The following KCNQ1 variants were observed in gnomAD, a reference collection of about 807,000 sequenced individuals.
The protein encoded by KCNQ1 is potassium voltage-gated channel subfamily Q member 1.
A neutral mutation model predicts 72.4 loss-of-function variants in KCNQ1; 49 were observed. That is an observed-to-expected ratio of 0.68 (90% CI 0.54 to 0.86). The LOEUF (loss-of-function observed/expected upper bound fraction) is 0.86. Ranked by LOEUF, KCNQ1 falls within the 40% of genes least tolerant of loss-of-function variation. The pLI, the probability that KCNQ1 is intolerant of heterozygous loss-of-function variation, is 0.00. For synonymous variants in KCNQ1, 450 were observed against 412.6 expected (o/e 1.09, Z -1.10); for missense variants, 790 against 945.1 (o/e 0.84, Z 2.15).
Position 2,782,250 on chromosome 11 carries a change from C to T in KCNQ1, c.1794+4213C>T, listed in dbSNP as rs1846835903. Among the ~76,000 whole-genome samples, 1 of 152,168 alleles carries T rather than the reference C, an allele frequency of 6.6e-6. No individual in the cohort carries two copies. The highest frequency in any genetic ancestry group is 2.1e-4 in the South Asian group (1 of 4,828). ...TCATCTCTTACTTGGATTATTTTTC[C>T]AGCCATATATGCGGTCTCCGGCCTC... On this transcript the variant is annotated intron_variant, in intron 15 of 15. Coordinates refer to ENST00000155840, the MANE Select transcript of KCNQ1 (RefSeq NM_000218.3). The surrounding 1 kb of genome is among the most constrained non-coding windows in gnomAD (Gnocchi z 6.1).
rs1362814516 is a variant in KCNQ1 at position 2,477,480 on chromosome 11, A to G, written c.386+31996A>G. On this transcript the variant is annotated intron_variant, in intron 1 of 15. Transcript: ENST00000155840. This position sits in a 1 kb window ranked among gnomAD's most constrained non-coding sequence, Gnocchi z 5.0. ...CAGGGTGCCCAGGTTAGCTGTGAAC[A>G]AAGTGATCTCTCTGCTGCCTCACTA... 1.3e-5 allele frequency among the ~76,000 whole-genome samples: 2 copies of G among 152,200 alleles called. No homozygotes were observed. The highest frequency in any genetic ancestry group is 4.8e-5 in the African/African-American group (2 of 41,438).
Position 2,538,400 on chromosome 11 carries a change from C to G in KCNQ1, c.477+10382C>G, listed in dbSNP as rs1350038666. 6.6e-6 allele frequency among the ~76,000 whole-genome samples: 1 copy of G among 152,154 alleles called. No individual in the cohort carries two copies. The highest frequency in any genetic ancestry group is 1.5e-5 in the Non-Finnish European group (1 of 68,030). ...GGCTCACAGGCCCCTCTGTGGGGCC[C>G]AGGGCAGAGGCAGCAGGCAGGCTGT... On this transcript the variant is annotated intron_variant, in intron 2 of 15. Transcript: ENST00000155840. This position sits in a 1 kb window ranked among gnomAD's most constrained non-coding sequence, Gnocchi z 6.7.
In KCNQ1 at chr11:2,826,598, C is replaced by G. The variant is rs934346504; in HGVS notation, c.1795-21169C>G. On this transcript the variant is annotated intron_variant, in intron 15 of 15. Transcript: ENST00000155840. This position sits in a 1 kb window ranked among gnomAD's most constrained non-coding sequence, Gnocchi z 4.2. Reference sequence around the variant, plus strand: ...GCTGGGCACCCACAGGGTAGAAATGCCCTGGATTGGCTGTGGCACAAGAGG... The same window carrying G: ...GCTGGGCACCCACAGGGTAGAAATGGCCTGGATTGGCTGTGGCACAAGAGG... Among the ~76,000 whole-genome samples, 8 of 152,244 alleles carry G rather than the reference C, an allele frequency of 5.3e-5. No individual in the cohort carries two copies. The highest frequency in any genetic ancestry group is 1.0e-4 in the Non-Finnish European group (7 of 68,038).
rs186466947 is a variant in KCNQ1 at position 2,565,363 on chromosome 11, G to C, written c.478-5265G>C. 2.2e-3 allele frequency among the ~76,000 whole-genome samples: 335 copies of C among 152,238 alleles called. No individual in the cohort carries two copies. Among genetic ancestry groups the C allele is most frequent in the African/African-American group, 7.6e-3 (315 of 41,544 alleles). Reference sequence around the variant, plus strand: ...TTGTGGTCTTGATTTGCATTTCCCTGATGATTAGTGACACTGGGCACCTCT... The same window carrying C: ...TTGTGGTCTTGATTTGCATTTCCCTCATGATTAGTGACACTGGGCACCTCT... On this transcript the variant is annotated intron_variant, in intron 2 of 15. Coordinates refer to ENST00000155840, the MANE Select transcript of KCNQ1 (RefSeq NM_000218.3). This position sits in a 1 kb window ranked among gnomAD's most constrained non-coding sequence, Gnocchi z 5.6.
rs1391735540 is a variant in KCNQ1 at position 2,827,621 on chromosome 11, TTAAAA to T, written c.1795-20145_1795-20141del. Among the ~76,000 whole-genome samples, 1 of 92,948 alleles carries T rather than the reference TTAAAA, an allele frequency of 1.1e-5. No homozygotes were observed. The highest frequency in any genetic ancestry group is 2.0e-5 in the Non-Finnish European group (1 of 49,264). 61.0% of individuals were successfully genotyped at this position (92,948 alleles called of 152,430 possible). On this transcript the variant is annotated intron_variant, in intron 15 of 15. Transcript: ENST00000155840. This position sits in a 1 kb window ranked among gnomAD's most constrained non-coding sequence, Gnocchi z 6.7. ...TCAGCTTAATTCAGGGTTCTGTTGA[TTAAAA>T]AAAAAAAGTGGGGTCGGGGGGGCGG...
rs866630878 is a variant in KCNQ1, at chr11:2,766,641, A to T, written c.1515-2203A>T. Among the ~76,000 whole-genome samples the T allele has an allele frequency of 6.6e-6, 1 of 152,074 alleles. No homozygotes were observed. Among genetic ancestry groups the T allele is most frequent in the Non-Finnish European group, 1.5e-5 (1 of 68,012 alleles). On this transcript the variant is annotated intron_variant, in intron 11 of 15. Transcript: ENST00000155840. This position sits in a 1 kb window ranked among gnomAD's most constrained non-coding sequence, Gnocchi z 4.4. Reference sequence around the variant, plus strand: ...GCCATAACTTTTCGCATTCTCCCCTATGCAAAATTCACTCACCCCCCTCCC... The same window carrying T: ...GCCATAACTTTTCGCATTCTCCCCTTTGCAAAATTCACTCACCCCCCTCCC...
Position 2,617,913 on chromosome 11 carries a change from C to G in KCNQ1, c.1393+29059C>G, listed in dbSNP as rs1333576224. On this transcript the variant is annotated intron_variant, in intron 10 of 15. Coordinates refer to ENST00000155840, the MANE Select transcript of KCNQ1 (RefSeq NM_000218.3). The surrounding 1 kb of genome is among the most constrained non-coding windows in gnomAD (Gnocchi z 4.6). ...TTCTTGTTATTGAGTTGTATGCATT[C>G]CTTATAAATTTTGGATATTATCCTC... 1.8e-5 allele frequency: 7 copies of G among 398,332 alleles called. No homozygotes were observed. The highest frequency in any genetic ancestry group is 3.1e-5 in the Non-Finnish European group (7 of 225,998). 24.7% of individuals were successfully genotyped at this position (398,332 alleles called of 1,614,324 possible). A position where few individuals can be genotyped will look rare whatever the true frequency, so the allele number is the denominator to read the frequency against.
At chr11:2,714,785 C>T (rs1325581042) in intron 11 of KCNQ1, among the ~76,000 whole-genome samples, 1 of 152,114 alleles carries the variant, frequency 6.6e-6, no homozygotes, top group East Asian at 1.9e-4. Context: ...GCAGCATCGT[C>T]GTCATCTTTC....
Position 2,664,525 on chromosome 11 carries a change from C to A in KCNQ1, c.1514+2444C>A. ...AGTGGGCACCCTGTTTCCTCAGGGC[C>A]CAAACCGCCTGGCGGCAGGGGTGTG... On this transcript the variant is annotated intron_variant, in intron 11 of 15. Coordinates refer to ENST00000155840, the MANE Select transcript of KCNQ1 (RefSeq NM_000218.3). The surrounding 1 kb of genome is among the most constrained non-coding windows in gnomAD (Gnocchi z 5.1). 2.5e-6 allele frequency: 1 copy of A among 398,760 alleles called. No homozygotes were observed. Among genetic ancestry groups the A allele is most frequent in the Non-Finnish European group, 4.4e-6 (1 of 226,162 alleles). 24.7% of individuals were successfully genotyped at this position (398,760 alleles called of 1,614,324 possible). A position where few individuals can be genotyped will look rare whatever the true frequency, so the allele number is the denominator to read the frequency against.
chr11:2,772,524 C>T lies in KCNQ1; in HGVS notation c.1591-3436C>T, dbSNP rs1229843808. ...TGAGCCCTAACCGTATCCTAGCAGG[C>T]ATCTCAGTGGCTCCAGGATAAGTCT... On this transcript the variant is annotated intron_variant, in intron 12 of 15. Transcript: ENST00000155840. The surrounding 1 kb of genome is among the most constrained non-coding windows in gnomAD (Gnocchi z 6.6). Among the ~76,000 whole-genome samples, 4 of 152,098 alleles carry T rather than the reference C, an allele frequency of 2.6e-5. No homozygotes were observed. The highest frequency in any genetic ancestry group is 2.0e-4 in the Admixed American group (3 of 15,282).
intron 11 of KCNQ1, among the ~76,000 whole-genome samples, chr11:2,751,815 TCTCCCA>T (rs1420092368): frequency 4.6e-5 from 7 of 152,156 alleles, no homozygotes; most frequent in Non-Finnish European, 7.4e-5. Flanking sequence ...ACAGAGTGCC[TCTCCCA>T]CTGGCTCAGG....
At chr11:2,646,399 T>C (rs1450501745) in intron 10 of KCNQ1, 3 of 398,538 alleles carry the variant, frequency 7.5e-6, no homozygotes, top group Non-Finnish European at 1.3e-5. Context: ...TTTATAGTTT[T>C]CATTGTGGAA....
In KCNQ1 at chr11:2,544,180, G is replaced by T. The variant is rs955920761; in HGVS notation, c.477+16162G>T. ...AAAGATCAACATGGGGAGAATTGAT[G>T]TCTTAACCAATATTGAATCCTCTGA... On this transcript the variant is annotated intron_variant, in intron 2 of 15. Transcript: ENST00000155840. The surrounding 1 kb of genome is among the most constrained non-coding windows in gnomAD (Gnocchi z 4.4). Among the ~76,000 whole-genome samples, 4 of 151,642 alleles carry T rather than the reference G, an allele frequency of 2.6e-5. No individual in the cohort carries two copies. Among genetic ancestry groups the T allele is most frequent in the African/African-American group, 9.7e-5 (4 of 41,236 alleles).
chr11:2,669,586 C>A lies in KCNQ1; in HGVS notation c.1514+7505C>A, dbSNP rs925801316. 2.5e-6 allele frequency: 1 copy of A among 398,634 alleles called. No individual in the cohort carries two copies. Among genetic ancestry groups the A allele is most frequent in the South Asian group, 1.3e-4 (1 of 7,854 alleles). 24.7% of individuals were successfully genotyped at this position (398,634 alleles called of 1,614,324 possible). Reference sequence around the variant, plus strand: ...GGCCAGCTTGGGTCATTTCATCCTGCCCACAGGACACTGGGGCAGTCACCT... The same window carrying A: ...GGCCAGCTTGGGTCATTTCATCCTGACCACAGGACACTGGGGCAGTCACCT... On this transcript the variant is annotated intron_variant, in intron 11 of 15. Transcript: ENST00000155840. This position sits in a 1 kb window ranked among gnomAD's most constrained non-coding sequence, Gnocchi z 5.6.
intron 13 of KCNQ1, 74 bp downstream of exon 13, chr11:2,776,128 G>A (rs1488271225): frequency 8.5e-6 from 11 of 1,299,184 alleles, no homozygotes; most frequent in East Asian, 7.6e-5. Flanking sequence ...ATGATCAGCG[G>A]TGCCGGAGGA....
rs1367289450 is a variant in KCNQ1 at position 2,679,960 on chromosome 11, C to G, written c.1514+17879C>G. 3 of 397,146 alleles carry G rather than the reference C, an allele frequency of 7.6e-6. No individual in the cohort carries two copies. Among genetic ancestry groups the G allele is most frequent in the Non-Finnish European group, 1.3e-5 (3 of 225,946 alleles). The allele number at this position is 397,146 out of a possible 1,614,324, so 24.6% of individuals were successfully genotyped here. ...CTAGGCGGGAATGCAGTGGCACAGT[C>G]TCGGCTTACTGCAACCTCTACCTCC... On this transcript the variant is annotated intron_variant, in intron 11 of 15. Coordinates refer to ENST00000155840, the MANE Select transcript of KCNQ1 (RefSeq NM_000218.3). This position sits in a 1 kb window ranked among gnomAD's most constrained non-coding sequence, Gnocchi z 4.8.
intron 6 of KCNQ1, 41 bp from the exon 7 acceptor site, chr11:2,583,394 C>A (rs774713514): frequency 1.0e-5 from 15 of 1,435,236 alleles, no homozygotes; most frequent in Non-Finnish European, 1.3e-5. Context: ...TCCCGAGGCT[C>A]CAGTCCCATC....
intron 15 of KCNQ1, among the ~76,000 whole-genome samples, chr11:2,812,869 C>A (rs1238345505): frequency 6.6e-6 from 1 of 152,212 alleles, no homozygotes; most frequent in Non-Finnish European, 1.5e-5. Context: ...GTGAGTGGCA[C>A]CCTGGGGTTG....
At chr11:2,472,481 C>T (rs934210659) in intron 1 of KCNQ1, among the ~76,000 whole-genome samples, 2 of 152,072 alleles carry the variant, frequency 1.3e-5, no homozygotes, top group African/African-American at 2.4e-5. Context: ...ACTGGAGAGG[C>T]TGAGGCTGGT....
Sources: gnomAD v4.1 joint callset for allele counts (sites outside exome capture counted in the v4.1 genomes callset) on GRCh38, gnomAD v4.1.1 for gene constraint, Gnocchi (gnomAD v3.1) non-coding constraint, MANE v1.5 for transcripts, NCBI Gene and HGNC (gene_info 2026-07-23, HGNC 2026-07-21) for gene names.